The following ADRA1B variants were observed in gnomAD, a reference collection of about 807,000 sequenced individuals.
ADRA1B encodes the protein adrenoceptor alpha 1B, also known as alpha-1B adrenergic receptor.
ADRA1B carries 17 observed loss-of-function variants against 17.9 expected under a neutral mutation model. That is an observed-to-expected ratio of 0.95 (90% CI 0.65 to 1.42). The LOEUF (loss-of-function observed/expected upper bound fraction) is 1.42, where lower values mean the gene tolerates loss of function less well. Among genes scored for constraint, ADRA1B ranks in the 40% most tolerant of loss-of-function variants. ADRA1B has a pLI of 0.00. For missense variants in ADRA1B, 681 were observed against 722.1 expected (o/e 0.94, Z 0.65); for synonymous variants, 366 against 327.6 (o/e 1.12, Z -1.27).
chr5:159,927,124 C>T (rs1194134139), intron 1 of ADRA1B, among the ~76,000 whole-genome samples: 1 of 152,030 alleles, frequency 6.6e-6, no homozygotes, highest in Non-Finnish European at 1.5e-5. Context: ...TGGATGGCCT[C>T]TTCATTCTTT....
At chr5:159,893,316 C>T (rs999855373) in intron 1 of ADRA1B, among the ~76,000 whole-genome samples, 2 of 152,278 alleles carry the variant, frequency 1.3e-5, no homozygotes, top group African/African-American at 4.8e-5. Context: ...AGTTACTTCA[C>T]CTCTCTGTAA....
chr5:159,971,768 G>T, intron 1 of ADRA1B, 111 bp from the exon 2 acceptor site: 1 of 1,176,912 alleles, frequency 8.5e-7, no homozygotes, highest in Non-Finnish European at 1.1e-6. Flanking sequence ...AAGGCCTGGC[G>T]GCAGGAACGC....
At position 159,922,936 on chromosome 5, in the gene ADRA1B, G is replaced by A. The variant is rs140204023; in HGVS notation, c.949+5082G>A. ...GCAACAAGTGACTTGAAGAAAAGGA[G>A]TGTGATGCTGCTAGAATTCTAAAAC... On this transcript the variant is annotated intron_variant, in intron 1 of 1. Coordinates refer to ENST00000306675, the MANE Select transcript of ADRA1B (RefSeq NM_000679.4). Among the ~76,000 whole-genome samples, 21 of 152,396 alleles carry A rather than the reference G, an allele frequency of 1.4e-4. No homozygotes were observed. The East Asian group carries it at 4.0e-3, about 29-fold the overall frequency.
chr5:159,865,939 A>T (rs564014683), intron 1 of ADRA1B, among the ~76,000 whole-genome samples: 1 of 152,288 alleles, frequency 6.6e-6, no homozygotes, highest in Admixed American at 6.5e-5. Context: ...ATAAACAGAT[A>T]AATTATGTTT....
At chr5:159,891,520 G>A (rs1233023180) in intron 1 of ADRA1B, among the ~76,000 whole-genome samples, 2 of 152,142 alleles carry the variant, frequency 1.3e-5, no homozygotes, top group Admixed American at 6.5e-5. Flanking sequence ...TAAGAATGTG[G>A]CTTACAGAGT....
At chr5:159,877,577 G>A (rs940155189) in intron 1 of ADRA1B, among the ~76,000 whole-genome samples, 2 of 152,110 alleles carry the variant, frequency 1.3e-5, no homozygotes, top group African/African-American at 4.8e-5. Flanking sequence ...AGCCACTAGG[G>A]CAGTGGTCAC....
rs1403510925 is a variant in ADRA1B at position 159,962,384 on chromosome 5, AGTGGTGCTGCCATCCGTCTG to A, written c.950-9494_950-9475del. Among the ~76,000 whole-genome samples the A allele has an allele frequency of 4.4e-3, 595 of 133,984 alleles. 7 individuals carry two copies. The highest frequency in any genetic ancestry group is 0.015 in the African/African-American group (570 of 38,198). The allele number at this position is 133,984 out of a possible 152,430, so 87.9% of individuals were successfully genotyped here. A position where few individuals can be genotyped will look rare whatever the true frequency, so the allele number is the denominator to read the frequency against. ...TCAGACTGGTGCTGCCATCTGTCTG[AGTGGTGCTGCCATCCGTCTG>A]ATTTCATTTCAAACCTCTCAAATCA... On this transcript the variant is annotated intron_variant, in intron 1 of 1. Coordinates refer to ENST00000306675, the MANE Select transcript of ADRA1B (RefSeq NM_000679.4).
In ADRA1B at chr5:159,917,484, G is replaced by C. The variant is rs1476709388; in HGVS notation, c.579G>C (p.Lys193Asn). Residue 193 changes from lysine to asparagine, a missense_variant, in exon 1 of 2, where the codon AAG becomes AAC. This residue lies in a region of ADRA1B where 424 missense variants were observed against 480.2 expected (regional missense o/e 0.88). Transcript: ENST00000306675. Reference protein sequence around the residue: ...GWKEPAPNDDKECGVTEEPFY... With the variant: ...GWKEPAPNDDNECGVTEEPFY... The stretch of plus-strand genomic sequence containing the variant: ...AGGAGCCGGCACCCAACGATGACAA[G>C]GAGTGCGGGGTCACCGAAGAACCCT... 6.2e-7 allele frequency: 1 copy of C among 1,614,102 alleles called. No homozygotes were observed. Among genetic ancestry groups the C allele is most frequent in the East Asian group, 2.2e-5 (1 of 44,872 alleles).
At chr5:159,935,571 G>A (rs1447341257) in intron 1 of ADRA1B, among the ~76,000 whole-genome samples, 1 of 151,560 alleles carries the variant, frequency 6.6e-6, no homozygotes, top group Non-Finnish European at 1.5e-5. Context: ...TTTTGAGATA[G>A]GGTCTCGCTC....
At chr5:159,888,690 G>A (rs1252733682) in intron 1 of ADRA1B, among the ~76,000 whole-genome samples, 2 of 152,172 alleles carry the variant, frequency 1.3e-5, no homozygotes, top group Non-Finnish European at 2.9e-5. Context: ...GAACAAAGAT[G>A]AGACTGTGTT....
chr5:159,935,551 T>A (rs1389922175), intron 1 of ADRA1B, among the ~76,000 whole-genome samples: 2 of 151,426 alleles, frequency 1.3e-5, no homozygotes, highest in African/African-American at 2.4e-5. Flanking sequence ...TTCTATACAA[T>A]TTTTTTTTCT....
the ADRA1B span, among the ~76,000 whole-genome samples, chr5:159,987,906 T>C: frequency 6.6e-6 from 1 of 152,298 alleles, no homozygotes; most frequent in East Asian, 1.9e-4. Flanking sequence ...TTGTAGTCTT[T>C]GTGGTAGGCT....
intron 1 of ADRA1B, among the ~76,000 whole-genome samples, chr5:159,885,730 A>G (rs1233342426): frequency 6.6e-6 from 1 of 152,190 alleles, no homozygotes; most frequent in Non-Finnish European, 1.5e-5. Flanking sequence ...AAATAAAGCT[A>G]TTACACATTC....
intron 1 of ADRA1B, among the ~76,000 whole-genome samples, chr5:159,954,725 A>G (rs934051664): frequency 6.6e-6 from 1 of 152,142 alleles, no homozygotes; most frequent in Non-Finnish European, 1.5e-5. Flanking sequence ...TACAGGAGAC[A>G]ATCTCACCTA....
intron 1 of ADRA1B, among the ~76,000 whole-genome samples, chr5:159,965,366 G>A (rs750518254): frequency 6.6e-6 from 1 of 152,178 alleles, no homozygotes. Context: ...CAGGGGGTTA[G>A]TGGCATTGTT....
chr5:159,982,646 C>A, the ADRA1B span, among the ~76,000 whole-genome samples: 384 of 146,240 alleles, frequency 2.6e-3, 1 homozygote, highest in Middle Eastern at 7.2e-3. Context: ...CCTGGACAAT[C>A]CTCCTTTGTA....
chr5:159,978,709 C>A, the ADRA1B span, among the ~76,000 whole-genome samples: 1 of 152,204 alleles, frequency 6.6e-6, no homozygotes, highest in Non-Finnish European at 1.5e-5. Context: ...GGCCCTTGCT[C>A]ATGGCCTTAT....
chr5:159,907,598 C>T (rs892779387), intron 1 of ADRA1B, among the ~76,000 whole-genome samples: 5 of 152,082 alleles, frequency 3.3e-5, no homozygotes, highest in African/African-American at 1.2e-4. Context: ...CTAAATACTC[C>T]AGATACTGAG....
rs1561590372 is a variant in ADRA1B, at chr5:159,917,279, A to C, written c.374A>C (p.Asp125Ala). 1 of 1,614,020 alleles carries C rather than the reference A, an allele frequency of 6.2e-7. No individual in the cohort carries two copies. Among genetic ancestry groups the C allele is most frequent in the Non-Finnish European group, 8.5e-7 (1 of 1,180,014 alleles). ...RIFCDIWAAV[D>A]VLCCTASILS... Reference sequence around the variant, plus strand: ...TTCTGTGACATCTGGGCAGCCGTGGATGTCCTGTGCTGCACAGCGTCCATT... The same window carrying C: ...TTCTGTGACATCTGGGCAGCCGTGGCTGTCCTGTGCTGCACAGCGTCCATT... Residue 125 changes from aspartate (D) to alanine (A), a missense_variant, in exon 1 of 2, where the codon GAT becomes GCT. Around this residue, in one of 3 missense-constraint regions of ADRA1B, gnomAD observed 424 missense variants for 480.2 expected, o/e 0.88. Transcript: ENST00000306675.
Sources: gnomAD v4.1 joint callset for allele counts (sites outside exome capture counted in the v4.1 genomes callset) on GRCh38, gnomAD v4.1.1 for gene constraint, gnomAD v4.1.1 regional missense constraint, MANE v1.5 for transcripts, NCBI Gene and HGNC (gene_info 2026-07-23, HGNC 2026-07-21) for gene names.